The following IZUMO3 variants were observed in gnomAD, a reference collection of about 807,000 sequenced individuals.
The protein encoded by IZUMO3 is izumo sperm-egg fusion protein 3.
In IZUMO3, 36 loss-of-function variants were observed where a neutral mutation model predicts 28.4. The observed-to-expected ratio is 1.27, with a 90% CI of 0.97 to 1.67. The LOEUF (loss-of-function observed/expected upper bound fraction) is 1.67. IZUMO3 is among the 40% of genes most tolerant of loss of function. The probability of loss-of-function intolerance (pLI) is 0.00; values close to 1 mark genes in which losing one functional copy is unlikely to be tolerated. For synonymous variants in IZUMO3, 126 were observed against 99.2 expected (o/e 1.27, Z -1.61); for missense variants, 387 against 278.5 (o/e 1.39, Z -2.77).
rs1197402247 is a variant in IZUMO3 at position 24,543,187 on chromosome 9, C to G, written c.*42G>C. On this transcript the variant is annotated 3_prime_UTR_variant, in exon 7 of 7. Coordinates refer to ENST00000543880, the MANE Select transcript of IZUMO3 (RefSeq NM_001365008.2). ...CCCAGTTTTGTACTTAGAGTCAACA[C>G]TTAAGAGAATCATGAAAGACTTCTT... The G allele has an allele frequency of 4.7e-6, 7 of 1,500,490 alleles. No homozygotes were observed. The highest frequency in any genetic ancestry group is 6.3e-6 in the Non-Finnish European group (7 of 1,119,292). The allele number at this position is 1,500,490 out of a possible 1,614,324, so 92.9% of individuals were successfully genotyped here.
chr9:24,544,319 C>A lies in IZUMO3; in HGVS notation c.410-38G>T, dbSNP rs756474909. 4.2e-6 allele frequency: 6 copies of A among 1,419,118 alleles called. No individual in the cohort carries two copies. In the African/African-American group the frequency reaches 8.5e-5, roughly 20 times the overall value. The allele number at this position is 1,419,118 out of a possible 1,614,324, so 87.9% of individuals were successfully genotyped here. ...AGAAGAAAGATAATCAGAAAGAGGG[C>A]ATGGCACGAGGGTTCCTTAGTCATA... On this transcript the variant is annotated intron_variant, in intron 4 of 6. Transcript: ENST00000543880.
In IZUMO3 at chr9:24,544,289, A is replaced by T. The variant is rs1032306754; in HGVS notation, c.410-8T>A. The T allele has an allele frequency of 6.5e-7, 1 of 1,543,182 alleles. No homozygotes were observed. Among genetic ancestry groups the T allele is most frequent in the Admixed American group, 2.0e-5 (1 of 50,998 alleles). Reference sequence around the variant, plus strand: ...TGGGACCTTCAACCACAACTGATAAAGAGGAGAAGAAAGATAATCAGAAAG... The same window carrying T: ...TGGGACCTTCAACCACAACTGATAATGAGGAGAAGAAAGATAATCAGAAAG... On this transcript the variant is annotated splice_polypyrimidine_tract_variant and splice_region_variant and intron_variant, in intron 4 of 6. Transcript: ENST00000543880.
chr9:24,544,805 A>G (rs1819547581), intron 3 of IZUMO3, 45 bp from the exon 4 acceptor site: 4 of 1,540,110 alleles, frequency 2.6e-6, no homozygotes, highest in Admixed American at 2.0e-5. Flanking sequence ...AACCAGCTAC[A>G]GTTTGCCATA....
intron 6 of IZUMO3, 59 bp from the exon 7 acceptor site, chr9:24,543,426 C>T (rs1326152083): frequency 2.8e-6 from 1 of 356,366 alleles, no homozygotes; most frequent in Non-Finnish European, 4.6e-6. Context: ...TTCTTTAAGC[C>T]AGTTATACAT....
Position 24,543,242 on chromosome 9 carries a change from C to T in IZUMO3, c.707G>A (p.Arg236Lys), listed in dbSNP as rs1351829925. Residue 236 changes from arginine (R) to lysine (K), a missense_variant, in exon 7 of 7, where the codon AGA (arginine) becomes AAA (lysine). By Grantham distance (26) the Arg-to-Lys change is conservative. Transcript: ENST00000543880. ...KIDEKEEKDF[R>K]LRK ...ATGTTGATGTGTTTATTTTCTGAGT[C>T]TAAAGTCTTTCTCCTCCTTCTCATC... 1.3e-6 allele frequency: 2 copies of T among 1,544,888 alleles called. No homozygotes were observed. The highest frequency in any genetic ancestry group is 1.7e-6 in the Non-Finnish European group (2 of 1,144,290).
rs1413645621 is a variant in IZUMO3, at chr9:24,545,379, C to T, written c.226+45G>A. On this transcript the variant is annotated intron_variant, in intron 1 of 6. Transcript: ENST00000543880. ...AGGTGTTCTCTTCCTTGCCTCCCTTCTCCGTTTAAGCCCCTGGACTCTCAG... is the reference window on the plus strand; with the variant it reads ...AGGTGTTCTCTTCCTTGCCTCCCTTTTCCGTTTAAGCCCCTGGACTCTCAG... 4 of 1,547,112 alleles carry T rather than the reference C, an allele frequency of 2.6e-6. No individual in the cohort carries two copies. The Admixed American group carries it at 7.9e-5, about 30-fold the overall frequency.
At chr9:24,544,640 T>A in intron 4 of IZUMO3, 103 bp downstream of exon 4, 1 of 984,988 alleles carries the variant, frequency 1.0e-6, no homozygotes, top group Non-Finnish European at 1.5e-6. Flanking sequence ...GCTCTAGGAA[T>A]TGGTTTCCCA....
chr9:24,544,089 C>G (rs1819523628), intron 5 of IZUMO3, 112 bp downstream of exon 5: 1 of 751,050 alleles, frequency 1.3e-6, no homozygotes, highest in African/African-American at 1.7e-5. Context: ...ACTACCATGA[C>G]CTCCATTAAA....
Position 24,543,346 on chromosome 9 carries a change from A to G in IZUMO3, c.603T>C (p.His201=). Residue 201 remains histidine, a synonymous_variant, in exon 7 of 7, where the codon CAT becomes CAC. Transcript: ENST00000543880. ...AVLLFHFCIF[H]RRKMKAIRRS... is the part of the protein sequence containing the mutation. ...TTCGTATTGCCTTCATTTTCCTCCG[A>G]TGAAAGATGCAAAAATGGAATCTAG... 1 of 1,543,280 alleles carries G rather than the reference A, an allele frequency of 6.5e-7. No individual in the cohort carries two copies. Among genetic ancestry groups the G allele is most frequent in the Non-Finnish European group, 8.7e-7 (1 of 1,143,478 alleles).
At chr9:24,544,683 A>G in intron 4 of IZUMO3, 60 bp downstream of exon 4, 1 of 1,461,444 alleles carries the variant, frequency 6.8e-7, no homozygotes, top group Non-Finnish European at 9.4e-7. Context: ...GGCCATATAG[A>G]GCAAAGGAGA....
chr9:24,545,591 C>T lies in IZUMO3; in HGVS notation c.59G>A (p.Gly20Asp), dbSNP rs148504271. 8.2e-4 allele frequency: 1,256 copies of T among 1,535,334 alleles called. 7 individuals carry two copies. In the African/African-American group the frequency reaches 8.3e-3, roughly 10 times the overall value. ...AAATTTGGGGTCACATTCTAAACAG[C>T]CTTTGACTCCATGGAAGGCTGAGAG... ...LPLSAFHGVK[G>D]CLECDPKFIE... Residue 20 changes from glycine to aspartate, a missense_variant, in exon 1 of 7, where the codon GGC becomes GAC. Transcript: ENST00000543880.
chr9:24,545,573 G>T lies in IZUMO3; in HGVS notation c.77C>A (p.Pro26His). 6.5e-7 allele frequency: 1 copy of T among 1,535,322 alleles called. No homozygotes were observed. Among genetic ancestry groups the T allele is most frequent in the Non-Finnish European group, 8.7e-7 (1 of 1,146,694 alleles). Reference protein sequence around the residue: ...HGVKGCLECDPKFIEDVGSLL... With the variant: ...HGVKGCLECDHKFIEDVGSLL... ...GGAGCCAACATCCTCTATAAATTTG[G>T]GGTCACATTCTAAACAGCCTTTGAC... Residue 26 changes from proline (P) to histidine (H), a missense_variant, in exon 1 of 7, where the codon CCC becomes CAC. Pro to His is a moderately conservative substitution (Grantham distance 77, BLOSUM62 -2). Transcript: ENST00000543880.
rs1295036320 is a variant in IZUMO3 at position 24,543,043 on chromosome 9, T to C, written c.*186A>G. 1 of 481,892 alleles carries C rather than the reference T, an allele frequency of 2.1e-6. No homozygotes were observed. The highest frequency in any genetic ancestry group is 2.0e-5 in the African/African-American group (1 of 50,240). The allele number at this position is 481,892 out of a possible 1,614,324, so 29.9% of individuals were successfully genotyped here. On this transcript the variant is annotated 3_prime_UTR_variant, in exon 7 of 7. Coordinates refer to ENST00000543880, the MANE Select transcript of IZUMO3 (RefSeq NM_001365008.2). ...TTTCTGTACAACTCTGGCCAAATTA[T>C]TTGCTCTCCCATTACTTCCGTTGTC...
At position 24,544,765 on chromosome 9, in the gene IZUMO3, A is replaced by T; in HGVS notation, c.392-5T>A. ...CACTGCAATCTTCAGAACAAGCTAG[A>T]AGAGAATCAGAAAGTTCTAATGAGT... On this transcript the variant is annotated splice_polypyrimidine_tract_variant and splice_region_variant and intron_variant, in intron 3 of 6. Coordinates refer to ENST00000543880, the MANE Select transcript of IZUMO3 (RefSeq NM_001365008.2). 6.5e-7 allele frequency: 1 copy of T among 1,550,160 alleles called. No individual in the cohort carries two copies.
At chr9:24,545,111 C>A in intron 2 of IZUMO3, 50 bp from the exon 3 acceptor site, 1 of 1,477,466 alleles carries the variant, frequency 6.8e-7, no homozygotes, top group Non-Finnish European at 9.3e-7. Flanking sequence ...CTCTTCCCTT[C>A]AGAAGTTAAT....
In IZUMO3 at chr9:24,545,709, C is replaced by G; in HGVS notation, c.-60G>C. On this transcript the variant is annotated 5_prime_UTR_variant, in exon 1 of 7. Transcript: ENST00000543880. Reference sequence around the variant, plus strand: ...GTCCTGGCAACTAGTTCACTTAGTTCCTTTTCCTTCAAAAATCCGGGAATG... The same window carrying G: ...GTCCTGGCAACTAGTTCACTTAGTTGCTTTTCCTTCAAAAATCCGGGAATG... 1 of 1,532,768 alleles carries G rather than the reference C, an allele frequency of 6.5e-7. No homozygotes were observed. The highest frequency in any genetic ancestry group is 8.7e-7 in the Non-Finnish European group (1 of 1,143,798). The allele number at this position is 1,532,768 out of a possible 1,614,324, so 94.9% of individuals were successfully genotyped here. A position where few individuals can be genotyped will look rare whatever the true frequency, so the allele number is the denominator to read the frequency against.
chr9:24,544,659 G>C, intron 4 of IZUMO3, 84 bp downstream of exon 4: 1 of 1,198,576 alleles, frequency 8.3e-7, no homozygotes, highest in Non-Finnish European at 1.2e-6. Context: ...CAGTGTAACA[G>C]GTGGGAGAGA....
intron 2 of IZUMO3, 27 bp downstream of exon 2, chr9:24,545,185 A>G (rs919053593): frequency 1.3e-6 from 2 of 1,541,704 alleles, no homozygotes; most frequent in Non-Finnish European, 1.8e-6. Flanking sequence ...AGCAATACAA[A>G]CTTTTAACAT....
At position 24,545,244 on chromosome 9, in the gene IZUMO3, T is replaced by G; in HGVS notation, c.269A>C (p.Glu90Ala). 6.5e-7 allele frequency: 1 copy of G among 1,550,386 alleles called. No individual in the cohort carries two copies. The highest frequency in any genetic ancestry group is 8.7e-7 in the Non-Finnish European group (1 of 1,146,844). Residue 90 changes from glutamate (E) to alanine (A), a missense_variant, in exon 2 of 7, where the codon GAA (glutamate) becomes GCA (alanine). Transcript: ENST00000543880. ...TGTTTCATTGCCCAGTTTATAAAATTCATTCTTCAACCATGTTCTCAACTT... is the reference window on the plus strand; with the variant it reads ...TGTTTCATTGCCCAGTTTATAAAATGCATTCTTCAACCATGTTCTCAACTT... Reference protein sequence around the residue: ...VVKLRTWLKNEFYKLGNETWK... With the variant: ...VVKLRTWLKNAFYKLGNETWK...
Sources: gnomAD v4.1 joint callset for allele counts on GRCh38, gnomAD v4.1.1 for gene constraint, MANE v1.5 for transcripts, NCBI Gene and HGNC (gene_info 2026-07-23, HGNC 2026-07-21) for gene names.